CFHR1: variants seen among roughly 807,000 people sequenced by gnomAD.
CFHR1 encodes the protein complement factor H-related protein 1.
A neutral mutation model predicts 30.4 loss-of-function variants in CFHR1; 22 were observed. The ratio of observed to expected loss-of-function variants is 0.72; its 90% CI spans 0.52 to 1.03. The LOEUF (loss-of-function observed/expected upper bound fraction) is 1.03. Among genes scored for constraint, CFHR1 ranks in the 50% least tolerant of loss-of-function variants. The probability of loss-of-function intolerance (pLI) is 0.00; values close to 1 mark genes in which losing one functional copy is unlikely to be tolerated. For synonymous variants in CFHR1, 95 were observed against 129.1 expected, an observed-to-expected ratio of 0.74 and a Z score of 1.79; for missense variants, 248 against 380.6, an observed-to-expected ratio of 0.65 and a Z score of 2.90.
rs1655343557 is a variant in CFHR1 at position 196,826,847 on chromosome 1, T to C, written c.272T>C (p.Phe91Ser). 1 of 1,524,840 alleles carries C rather than the reference T, an allele frequency of 6.6e-7. No individual in the cohort carries two copies. The highest frequency in any genetic ancestry group is 1.7e-5 in the Admixed American group (1 of 57,992). The allele number at this position is 1,524,840 out of a possible 1,614,324, so 94.5% of individuals were successfully genotyped here. Residue 91 changes from phenylalanine (F) to serine (S), a missense_variant, in exon 3 of 6, where the codon TTT (phenylalanine) becomes TCT (serine). Coordinates refer to ENST00000320493, the MANE Select transcript of CFHR1 (RefSeq NM_002113.3). The part of the protein sequence containing the change: ...PKCLRLCFFP[F>S]VENGHSESSG... Reference sequence around the variant, plus strand: ...TCCTTAGGACTGTGTTTCTTTCCTTTTGTGGAAAATGGTCATTCTGAATCT... The same window carrying C: ...TCCTTAGGACTGTGTTTCTTTCCTTCTGTGGAAAATGGTCATTCTGAATCT...
At chr1:196,828,798 T>G (rs1655436918) in intron 4 of CFHR1, among the ~76,000 whole-genome samples, 1 of 48,574 alleles carries the variant, frequency 2.1e-5, no homozygotes, top group Non-Finnish European at 3.8e-5. Flanking sequence ...GTCCTGTGTT[T>G]TTTTTTTTTT....
chr1:196,831,596 A>C (rs1387841887), intron 5 of CFHR1, among the ~76,000 whole-genome samples: 1 of 135,592 alleles, frequency 7.4e-6, no homozygotes, highest in Non-Finnish European at 1.6e-5. Context: ...ATTCTCATAC[A>C]TTAAACATAA....
At chr1:196,820,077 A>C (rs1423599054) in intron 1 of CFHR1, among the ~76,000 whole-genome samples, 175 bp downstream of exon 1, 1 of 146,362 alleles carries the variant, frequency 6.8e-6, no homozygotes, top group African/African-American at 2.6e-5. Flanking sequence ...AGGAAAATAG[A>C]ATAAAATTAG....
intron 1 of CFHR1, among the ~76,000 whole-genome samples, chr1:196,824,873 C>A (rs1655266315): frequency 8.2e-6 from 1 of 122,648 alleles, no homozygotes; most frequent in African/African-American, 3.7e-5. Flanking sequence ...GAATTTAGCT[C>A]TAACTTTATC....
chr1:196,823,027 T>C lies in CFHR1; in HGVS notation c.59-2450T>C, dbSNP rs564365097. ...CTATAATCTTATGGGTCCACTGTCATATAAGTGATCAGTCATTGACCAAAA... is the reference window on the plus strand; with the variant it reads ...CTATAATCTTATGGGTCCACTGTCACATAAGTGATCAGTCATTGACCAAAA... On this transcript the variant is annotated intron_variant, in intron 1 of 5. Transcript: ENST00000320493. Among the ~76,000 whole-genome samples, 961 of 133,438 alleles carry C rather than the reference T, an allele frequency of 7.2e-3. 127 individuals carry two copies. The highest frequency in any genetic ancestry group is 7.7e-3 in the Non-Finnish European group (493 of 63,870). The allele number at this position is 133,438 out of a possible 152,430, so 87.5% of individuals were successfully genotyped here. A position where few individuals can be genotyped will look rare whatever the true frequency, so the allele number is the denominator to read the frequency against.
At chr1:196,821,740 A>AGTGTGTGTGT (rs58358440) in intron 1 of CFHR1, among the ~76,000 whole-genome samples, 2 of 69,602 alleles carry the variant, frequency 2.9e-5, no homozygotes, top group Admixed American at 3.2e-4. Context: ...ACTGTGAGTG[A>AGTGTGTGTGT]GTGTGTGTGT....
At chr1:196,829,560 CT>C (rs1223939786) in intron 4 of CFHR1, among the ~76,000 whole-genome samples, 1 of 134,034 alleles carries the variant, frequency 7.5e-6, no homozygotes. Flanking sequence ...ATATTTACCC[CT>C]TTACTTGTAA....
At position 196,823,079 on chromosome 1, in the gene CFHR1, G is replaced by A. The variant is rs1319344696; in HGVS notation, c.59-2398G>A. Among the ~76,000 whole-genome samples the A allele has an allele frequency of 6.0e-5, 7 of 116,884 alleles. 2 individuals carry two copies. The highest frequency in any genetic ancestry group is 2.9e-4 in the African/African-American group (7 of 24,228). 76.7% of individuals were successfully genotyped at this position (116,884 alleles called of 152,430 possible). A position where few individuals can be genotyped will look rare whatever the true frequency, so the allele number is the denominator to read the frequency against. On this transcript the variant is annotated intron_variant, in intron 1 of 5. Transcript: ENST00000320493. ...GTCATTATGTGGTGAATAACTGTACGACTGTATATATATATATATATATGT... is the reference window on the plus strand; with the variant it reads ...GTCATTATGTGGTGAATAACTGTACAACTGTATATATATATATATATATGT...
rs1305038938 is a variant in CFHR1 at position 196,823,249 on chromosome 1, C to G, written c.59-2228C>G. Among the ~76,000 whole-genome samples the G allele has an allele frequency of 2.2e-4, 29 of 134,800 alleles. 3 individuals carry two copies. Among genetic ancestry groups the G allele is most frequent in the Admixed American group, 9.3e-4 (13 of 13,926 alleles). The allele number at this position is 134,800 out of a possible 152,430, so 88.4% of individuals were successfully genotyped here. ...GGAGGCTTGCAAGAAGACATTAACA[C>G]TCCTAGCTAGCACCATTGCAGATAT... On this transcript the variant is annotated intron_variant, in intron 1 of 5. Transcript: ENST00000320493.
chr1:196,830,894 G>A lies in CFHR1; in HGVS notation c.790+212G>A, dbSNP rs1204145341. On this transcript the variant is annotated intron_variant, in intron 5 of 5. Coordinates refer to ENST00000320493, the MANE Select transcript of CFHR1 (RefSeq NM_002113.3). ...TGTAATCCCAGCACTTTGGGAGGCC[G>A]AGGCGGGCAGATCACGAGGTCAGGA... Among the ~76,000 whole-genome samples the A allele has an allele frequency of 1.3e-4, 17 of 134,720 alleles. 5 individuals carry two copies. Among genetic ancestry groups the A allele is most frequent in the African/African-American group, 4.5e-4 (14 of 31,440 alleles). The allele number at this position is 134,720 out of a possible 152,430, so 88.4% of individuals were successfully genotyped here.
chr1:196,829,611 T>G (rs1655466442), intron 4 of CFHR1, among the ~76,000 whole-genome samples: 2 of 135,160 alleles, frequency 1.5e-5, no homozygotes, highest in African/African-American at 6.3e-5. Context: ...AGTTGACAGT[T>G]CTTTGAACAC....
chr1:196,822,868 T>C (rs1221262886), intron 1 of CFHR1, among the ~76,000 whole-genome samples: 2 of 134,638 alleles, frequency 1.5e-5, no homozygotes, highest in Non-Finnish European at 3.1e-5. Context: ...TGTACAAAAT[T>C]GTGTGTGGCA....
At chr1:196,820,881 C>G (rs1358307095) in intron 1 of CFHR1, 2 of 132,894 alleles carry the variant, frequency 1.5e-5, no homozygotes, top group African/African-American at 6.9e-5. Context: ...CTCTTGTTTC[C>G]CAGGCTGGAG....
chr1:196,827,692 TCTATTTATGCTGA>T (rs1452774955), intron 3 of CFHR1, among the ~76,000 whole-genome samples: 1 of 133,682 alleles, frequency 7.5e-6, no homozygotes, highest in Non-Finnish European at 1.6e-5. Context: ...TATCACATAA[TCTATTTATGCTGA>T]CTTTTTGCAT....
intron 4 of CFHR1, 71 bp downstream of exon 4, chr1:196,828,317 A>G (rs1198667113): frequency 9.4e-7 from 1 of 1,063,062 alleles, no homozygotes; most frequent in Non-Finnish European, 1.3e-6. Flanking sequence ...TTTAAACAAA[A>G]TGAAGTCATT....
Position 196,826,906 on chromosome 1 carries a change from C to A in CFHR1, c.331C>A (p.Gln111Lys), listed in dbSNP as rs750263216. Reference sequence around the variant, plus strand: ...AACACATCTGGAAGGTGATACTGTGCAAATTATTTGCAACACAGGATACAG... The same window carrying A: ...AACACATCTGGAAGGTGATACTGTGAAAATTATTTGCAACACAGGATACAG... Reference protein sequence around the residue: ...GQTHLEGDTVQIICNTGYRLQ... With the variant: ...GQTHLEGDTVKIICNTGYRLQ... The change falls in exon 3 of 6, where the codon CAA (glutamine) becomes AAA (lysine). Residue 111 changes from glutamine (Q) to lysine (K), a missense_variant. Coordinates refer to ENST00000320493, the MANE Select transcript of CFHR1 (RefSeq NM_002113.3). 1 of 1,525,012 alleles carries A rather than the reference C, an allele frequency of 6.6e-7. No homozygotes were observed. The highest frequency in any genetic ancestry group is 1.7e-5 in the Admixed American group (1 of 57,966). 94.5% of individuals were successfully genotyped at this position (1,525,012 alleles called of 1,614,324 possible). A position where few individuals can be genotyped will look rare whatever the true frequency, so the allele number is the denominator to read the frequency against.
At position 196,831,911 on chromosome 1, in the gene CFHR1, G is replaced by C; in HGVS notation, c.905G>C (p.Arg302Pro). ...TGESAEFVCK[R>P]GYRLSSRSHT... ...GAATCAGCTGAATTTGTGTGTAAAC[G>C]GGGATATCGTCTTTCATCACGTTCT... The change falls in exon 6 of 6, where the codon CGG becomes CCG. Residue 302 changes from arginine (R) to proline (P), a missense_variant. This residue lies in a region of CFHR1 where 112 missense variants were observed against 156.4 expected (regional missense o/e 0.72). Transcript: ENST00000320493. The C allele has an allele frequency of 6.6e-7, 1 of 1,525,288 alleles. No homozygotes were observed. Among genetic ancestry groups the C allele is most frequent in the South Asian group, 1.2e-5 (1 of 80,212 alleles). 94.5% of individuals were successfully genotyped at this position (1,525,288 alleles called of 1,614,324 possible).
At chr1:196,822,430 A>T (rs112399974) in intron 1 of CFHR1, among the ~76,000 whole-genome samples, 2,522 of 118,836 alleles carry the variant, frequency 0.021, 701 homozygotes, top group African/African-American at 0.089. Context: ...TATTTAGCTT[A>T]AAAAACATTG....
intron 2 of CFHR1, 54 bp from the exon 3 acceptor site, chr1:196,826,775 G>A: frequency 7.2e-7 from 1 of 1,391,474 alleles, no homozygotes; most frequent in Non-Finnish European, 9.9e-7. Context: ...AAATGCAGTT[G>A]TACTTTTTCT....
Sources: allele counts gnomAD v4.1 joint callset (sites outside exome capture counted in the v4.1 genomes callset), GRCh38; gene constraint gnomAD v4.1.1; regional missense constraint gnomAD v4.1.1; transcripts MANE v1.5; gene names NCBI Gene and HGNC (gene_info 2026-07-23, HGNC 2026-07-21).